The following PRKN variants were observed in gnomAD, a reference collection of about 807,000 sequenced individuals.
The protein encoded by PRKN is parkin RBR E3 ubiquitin protein ligase, also known as E3 ubiquitin-protein ligase parkin.
A neutral mutation model predicts 59.5 loss-of-function variants in PRKN; 56 were observed. The ratio of observed to expected loss-of-function variants is 0.94; its 90% CI spans 0.76 to 1.18. The LOEUF is 1.18. Ranked by LOEUF, PRKN falls within the 50% of genes most tolerant of loss-of-function variation. The pLI, the probability that PRKN is intolerant of heterozygous loss-of-function variation, is 0.00. For missense variants in PRKN, 657 were observed against 596.4 expected (o/e 1.10, Z -1.06); for synonymous variants, 250 against 222.1 (o/e 1.13, Z -1.12).
intron 4 of PRKN, among the ~76,000 whole-genome samples, chr6:162,087,589 CTTTT>C (rs35184111): frequency 1.9e-5 from 2 of 102,688 alleles, no homozygotes; most frequent in East Asian, 3.2e-4. Flanking sequence ...AGAATAATTT[CTTTT>C]TTTTTTTTTT....
chr6:162,500,775 T>C (rs948888574), intron 1 of PRKN, among the ~76,000 whole-genome samples: 2 of 152,226 alleles, frequency 1.3e-5, no homozygotes, highest in African/African-American at 4.8e-5. Flanking sequence ...CTTGAATGTA[T>C]TGAAAGAAGG....
rs1787058439 is a variant in PRKN, at chr6:161,401,666, A to AAGTT, written c.1084-14793_1084-14790dup. Among the ~76,000 whole-genome samples, 1 of 152,018 alleles carries AAGTT rather than the reference A, an allele frequency of 6.6e-6. No individual in the cohort carries two copies. The highest frequency in any genetic ancestry group is 2.4e-5 in the African/African-American group (1 of 41,394). ...AGTACTGATCTGGATTTCACCCTTG[A>AAGTT]AGTTAAGCACACACTAATGACAGAA... On this transcript the variant is annotated intron_variant, in intron 9 of 11. Coordinates refer to ENST00000366898, the MANE Select transcript of PRKN (RefSeq NM_004562.3). The surrounding 1 kb of genome is among the most constrained non-coding windows in gnomAD (Gnocchi z 4.4).
chr6:162,336,882 A>G (rs1037632068), intron 2 of PRKN, among the ~76,000 whole-genome samples: 8 of 152,210 alleles, frequency 5.3e-5, no homozygotes, highest in Admixed American at 3.9e-4. Flanking sequence ...TGCTCTGGCC[A>G]TTGTGAAGGC....
chr6:161,438,485 G>A (rs1789036126), intron 9 of PRKN, among the ~76,000 whole-genome samples: 1 of 151,922 alleles, frequency 6.6e-6, no homozygotes. Flanking sequence ...CAAGGTGCTG[G>A]GATTACAGGC....
At chr6:162,692,178 A>T (rs200594295) in intron 1 of PRKN, among the ~76,000 whole-genome samples, 2 of 7,394 alleles carry the variant, frequency 2.7e-4, no homozygotes, top group Non-Finnish European at 4.6e-4. Context: ...TTAGAAAATT[A>T]AAAAAAAAAA....
Position 161,428,029 on chromosome 6 carries a change from G to A in PRKN, c.1084-41152C>T, listed in dbSNP as rs1788468010. ...GGGTGACACTTGCATGGTTGCAGAAGGAAGCTCGCTGCAGTCTGAGTGTGT... is the reference window on the plus strand; with the variant it reads ...GGGTGACACTTGCATGGTTGCAGAAAGAAGCTCGCTGCAGTCTGAGTGTGT... On this transcript the variant is annotated intron_variant, in intron 9 of 11. Coordinates refer to ENST00000366898, the MANE Select transcript of PRKN (RefSeq NM_004562.3). The surrounding 1 kb of genome is among the most constrained non-coding windows in gnomAD (Gnocchi z 4.0). 6.6e-6 allele frequency among the ~76,000 whole-genome samples: 1 copy of A among 152,174 alleles called. No individual in the cohort carries two copies. The highest frequency in any genetic ancestry group is 2.4e-5 in the African/African-American group (1 of 41,416).
intron 4 of PRKN, among the ~76,000 whole-genome samples, chr6:162,058,400 C>T (rs1159066210): frequency 1.3e-5 from 2 of 152,146 alleles, no homozygotes; most frequent in Non-Finnish European, 1.5e-5. Flanking sequence ...TAGGTCATCT[C>T]GCCTCCAGGG....
chr6:161,587,325 C>T (rs971963683), intron 7 of PRKN, among the ~76,000 whole-genome samples: 62 of 152,168 alleles, frequency 4.1e-4, no homozygotes, highest in African/African-American at 1.4e-3. Context: ...ATAAAGAAGA[C>T]GCAATGAAAA....
At chr6:161,707,195 T>C (rs13208989) in intron 7 of PRKN, among the ~76,000 whole-genome samples, 81,895 of 151,894 alleles carry the variant, frequency 0.54, 23,081 homozygotes, top group African/African-American at 0.68. Context: ...CTTGGAAATG[T>C]GGTTACTTGT....
At chr6:161,967,990 A>G (rs1780645612) in intron 6 of PRKN, among the ~76,000 whole-genome samples, 1 of 152,056 alleles carries the variant, frequency 6.6e-6, no homozygotes, top group South Asian at 2.1e-4. Flanking sequence ...ACCTGGGAAG[A>G]TATAAGCCAG....
chr6:162,334,061 T>C lies in PRKN; in HGVS notation c.172-71296A>G, dbSNP rs546369536. 7.2e-5 allele frequency among the ~76,000 whole-genome samples: 11 copies of C among 152,256 alleles called. No homozygotes were observed. The South Asian group carries it at 2.3e-3, about 32-fold the overall frequency. On this transcript the variant is annotated intron_variant, in intron 2 of 11. Coordinates refer to ENST00000366898, the MANE Select transcript of PRKN (RefSeq NM_004562.3). ...CAACTCCCTTCAATTCTACGAAGGC[T>C]GAGAGAGGTCAGGAAGCTGTAAAAG...
At chr6:162,110,373 A>T (rs1278797524) in intron 4 of PRKN, among the ~76,000 whole-genome samples, 1 of 152,232 alleles carries the variant, frequency 6.6e-6, no homozygotes, top group Non-Finnish European at 1.5e-5. Context: ...TTTGGTAAAT[A>T]GAAGATGAAC....
intron 2 of PRKN, chr6:162,265,083 A>G (rs1344390633): frequency 1.3e-5 from 2 of 152,156 alleles, no homozygotes; most frequent in African/African-American, 4.8e-5. Context: ...TAATCTTTCT[A>G]AAGTGTCTCA....
intron 6 of PRKN, among the ~76,000 whole-genome samples, chr6:161,821,743 TTTTTTTTTTTTTTTTTTTTTTTTG>T (rs1792040108): frequency 1.9e-5 from 1 of 51,494 alleles, no homozygotes; most frequent in African/African-American, 8.2e-5. Flanking sequence ...TTTTTTTTTT[TTTTTTTTTTTTTTTTTTTTTTTTG>T]AGATGCAGTC....
chr6:161,348,676 G>T lies in PRKN; in HGVS notation c.*1423C>A. The stretch of plus-strand genomic sequence containing the variant: ...ATCTAAAAAGAGAAGCCCTGTTGCC[G>T]ATTTAATAATTTACAGTCTCTAAAT... On this transcript the variant is annotated 3_prime_UTR_variant, in exon 12 of 12. Coordinates refer to ENST00000366898, the MANE Select transcript of PRKN (RefSeq NM_004562.3). This position sits in a 1 kb window ranked among gnomAD's most constrained non-coding sequence, Gnocchi z 4.9. 4.8e-6 allele frequency: 1 copy of T among 210,264 alleles called. No homozygotes were observed. The highest frequency in any genetic ancestry group is 7.1e-5 in the East Asian group (1 of 14,074). 13.0% of individuals were successfully genotyped at this position (210,264 alleles called of 1,614,324 possible).
At chr6:162,218,629 A>T (rs1777803283) in intron 3 of PRKN, among the ~76,000 whole-genome samples, 1 of 152,176 alleles carries the variant, frequency 6.6e-6, no homozygotes, top group South Asian at 2.1e-4. Context: ...TAAAAGATTC[A>T]TGAGACTAAG....
At chr6:162,409,463 C>T (rs188930855) in intron 2 of PRKN, among the ~76,000 whole-genome samples, 186 of 152,166 alleles carry the variant, frequency 1.2e-3, no homozygotes, top group East Asian at 0.01. Flanking sequence ...AGACCCCTCT[C>T]CCTTTTCTGT....
At chr6:162,402,242 C>T (rs1387799283) in intron 2 of PRKN, among the ~76,000 whole-genome samples, 3 of 112,180 alleles carry the variant, frequency 2.7e-5, no homozygotes, top group Non-Finnish European at 5.2e-5. Flanking sequence ...GAGTGAGACT[C>T]TGTCTCAAAA....
At chr6:162,425,669 A>G (rs1300306381) in intron 2 of PRKN, among the ~76,000 whole-genome samples, 1 of 152,198 alleles carries the variant, frequency 6.6e-6, no homozygotes. Context: ...AAAGAAAGGT[A>G]TGATTAAATT....
Sources: allele counts gnomAD v4.1 joint callset (sites outside exome capture counted in the v4.1 genomes callset), GRCh38; gene constraint gnomAD v4.1.1; non-coding constraint Gnocchi (gnomAD v3.1); transcripts MANE v1.5; gene names NCBI Gene and HGNC (gene_info 2026-07-23, HGNC 2026-07-21).